Variants in BTBD9 observed in about 807,000 individuals in gnomAD.
BTBD9 encodes BTB/POZ domain-containing protein 9.
A neutral mutation model predicts 64.3 loss-of-function variants in BTBD9; 49 were observed. That is an observed-to-expected ratio of 0.76 (90% CI 0.61 to 0.97). BTBD9 has a LOEUF of 0.97. BTBD9 is among the 50% of genes least tolerant of loss of function. The pLI is 0.00. For missense variants in BTBD9, 598 were observed against 762.1 expected (o/e 0.78, Z 2.53); for synonymous variants, 260 against 274.7 (o/e 0.95, Z 0.53).
intron 9 of BTBD9, among the ~76,000 whole-genome samples, chr6:38,211,598 G>A (rs1327882709): frequency 6.6e-6 from 1 of 152,060 alleles, no homozygotes; most frequent in Non-Finnish European, 1.5e-5. Context: ...ACAAAAATTA[G>A]GGGGGTGTGG....
At chr6:38,435,595 T>TTCCC (rs1687558457) in intron 6 of BTBD9, among the ~76,000 whole-genome samples, 1 of 47,822 alleles carries the variant, frequency 2.1e-5, no homozygotes, top group Non-Finnish European at 4.9e-5. Context: ...TTCTTTTCTT[T>TTCCC]TCCCTCCCTT....
At position 38,431,771 on chromosome 6, in the gene BTBD9, CTT is replaced by C. The variant is rs1379138718; in HGVS notation, c.1155-86680_1155-86679del. Among the ~76,000 whole-genome samples the C allele has an allele frequency of 2.6e-4, 40 of 152,166 alleles. 2 individuals are homozygous for C. Among genetic ancestry groups the C allele is most frequent in the African/African-American group, 8.0e-4 (33 of 41,412 alleles). ...CTTACTAGTTTCTCTGCTTTCTACT[CTT>C]GTCTGTCTATATCCCCATTGCAGCA... On this transcript the variant is annotated intron_variant, in intron 6 of 10. Transcript: ENST00000481247.
chr6:38,234,081 A>AG (rs1763699139), intron 9 of BTBD9, among the ~76,000 whole-genome samples: 1 of 152,234 alleles, frequency 6.6e-6, no homozygotes, highest in Admixed American at 6.5e-5. Context: ...TCCAGTCACG[A>AG]GGTATGTACC....
At chr6:38,584,721 A>G (rs1415936461) in intron 4 of BTBD9, among the ~76,000 whole-genome samples, 1 of 152,178 alleles carries the variant, frequency 6.6e-6, no homozygotes, top group Non-Finnish European at 1.5e-5. Flanking sequence ...CAACTTCCCT[A>G]GAAAATGTAT....
chr6:38,203,026 A>T (rs1477725348), intron 9 of BTBD9, among the ~76,000 whole-genome samples: 1 of 152,214 alleles, frequency 6.6e-6, no homozygotes, highest in Non-Finnish European at 1.5e-5. Flanking sequence ...ATGAATAGAC[A>T]CTTTTCAAAA....
chr6:38,205,036 A>G (rs1042054067), intron 9 of BTBD9, among the ~76,000 whole-genome samples: 3 of 152,196 alleles, frequency 2.0e-5, no homozygotes, highest in African/African-American at 7.2e-5. Context: ...AGAATGTCAA[A>G]TCAAATGACA....
intron 6 of BTBD9, among the ~76,000 whole-genome samples, chr6:38,441,532 C>T (rs1769034020): frequency 6.6e-6 from 1 of 152,044 alleles, no homozygotes; most frequent in Admixed American, 6.5e-5. Flanking sequence ...CCCACCTCAG[C>T]TTCGGGAGTA....
rs938197552 is a variant in BTBD9, at chr6:38,364,968, T to C, written c.1155-19875A>G. Among the ~76,000 whole-genome samples the C allele has an allele frequency of 9.7e-4, 147 of 152,172 alleles. 3 individuals are homozygous for C. Among genetic ancestry groups the C allele is most frequent in the Admixed American group, 9.3e-3 (142 of 15,272 alleles). On this transcript the variant is annotated intron_variant, in intron 6 of 10. Transcript: ENST00000481247. Reference sequence around the variant, plus strand: ...ATCCTAGGACATGGGAGTCCTATGATAGCAGATGTTCCAAAGTGCTTGGGG... The same window carrying C: ...ATCCTAGGACATGGGAGTCCTATGACAGCAGATGTTCCAAAGTGCTTGGGG...
chr6:38,285,496 A>G (rs1205722839), intron 8 of BTBD9, among the ~76,000 whole-genome samples: 3 of 151,836 alleles, frequency 2.0e-5, no homozygotes, highest in Non-Finnish European at 4.4e-5. Context: ...AGATGCGCAT[A>G]GAACACTGTT....
intron 10 of BTBD9, among the ~76,000 whole-genome samples, chr6:38,178,000 C>G (rs1761356956): frequency 6.6e-6 from 1 of 152,194 alleles, no homozygotes; most frequent in African/African-American, 2.4e-5. Flanking sequence ...AAGCCCTAGG[C>G]CGTAACTGCC....
intron 9 of BTBD9, among the ~76,000 whole-genome samples, chr6:38,241,590 C>A (rs1427675814): frequency 1.3e-5 from 2 of 152,240 alleles, no homozygotes; most frequent in Non-Finnish European, 2.9e-5. Context: ...TCCAAAGCAG[C>A]TGGTAAATGT....
chr6:38,442,242 C>T (rs957647523), intron 6 of BTBD9, among the ~76,000 whole-genome samples: 1 of 152,096 alleles, frequency 6.6e-6, no homozygotes, highest in African/African-American at 2.4e-5. Context: ...AATCCCAGCA[C>T]TTTGGGAGGC....
At chr6:38,443,883 G>T (rs1277898909) in intron 6 of BTBD9, among the ~76,000 whole-genome samples, 1 of 152,160 alleles carries the variant, frequency 6.6e-6, no homozygotes, top group Non-Finnish European at 1.5e-5. Flanking sequence ...CCTCTGCCCA[G>T]GGGTATGATT....
chr6:38,440,972 T>C (rs1203052865), intron 6 of BTBD9, among the ~76,000 whole-genome samples: 1 of 152,182 alleles, frequency 6.6e-6, no homozygotes, highest in Admixed American at 6.5e-5. Flanking sequence ...TAGGAAAACA[T>C]AATCCATTTT....
intron 1 of BTBD9, among the ~76,000 whole-genome samples, chr6:38,605,675 T>C (rs1777407735): frequency 6.6e-6 from 1 of 152,082 alleles, no homozygotes; most frequent in Non-Finnish European, 1.5e-5. Context: ...TAAATTAGCC[T>C]GGCATGGTGG....
At chr6:38,289,113 C>T (rs1001401290) in intron 7 of BTBD9, among the ~76,000 whole-genome samples, 2 of 152,082 alleles carry the variant, frequency 1.3e-5, no homozygotes, top group African/African-American at 2.4e-5. Flanking sequence ...TGGCTCACAC[C>T]TGTAACCCCA....
chr6:38,618,917 G>A (rs946954207), intron 1 of BTBD9, among the ~76,000 whole-genome samples: 4 of 152,206 alleles, frequency 2.6e-5, no homozygotes, highest in African/African-American at 9.6e-5. Flanking sequence ...TTCCCTACCA[G>A]TCAGCAAGCC....
chr6:38,239,519 C>A (rs1763919991), intron 9 of BTBD9, among the ~76,000 whole-genome samples: 1 of 151,740 alleles, frequency 6.6e-6, no homozygotes, highest in African/African-American at 2.4e-5. Flanking sequence ...GTTTTATCAC[C>A]CAAGCTACTG....
At chr6:38,301,380 G>A (rs1397151498) in intron 7 of BTBD9, among the ~76,000 whole-genome samples, 1 of 152,212 alleles carries the variant, frequency 6.6e-6, no homozygotes, top group African/African-American at 2.4e-5. Flanking sequence ...CTCATAAAAT[G>A]AGTTAGGGAG....
Sources: allele counts gnomAD v4.1 joint callset (sites outside exome capture counted in the v4.1 genomes callset), GRCh38; gene constraint gnomAD v4.1.1; transcripts MANE v1.5; gene names NCBI Gene and HGNC (gene_info 2026-07-23, HGNC 2026-07-21).